NRDC: variants seen among roughly 807,000 people sequenced by gnomAD.
The protein encoded by NRDC is nardilysin convertase, also known as nardilysin.
Under a neutral mutation model 147.1 loss-of-function variants are expected in NRDC, and 54 were observed. That is an observed-to-expected ratio of 0.37 (90% CI 0.29 to 0.46). NRDC has a LOEUF of 0.46. Among genes scored for constraint, NRDC ranks in the 20% least tolerant of loss-of-function variants. The pLI, the probability that NRDC is intolerant of heterozygous loss-of-function variation, is 1.00. For missense variants in NRDC, 1,082 were observed against 1,370.6 expected (o/e 0.79, Z 3.33); for synonymous variants, 440 against 482.1 (o/e 0.91, Z 1.14).
intron 1 of NRDC, among the ~76,000 whole-genome samples, chr1:51,849,042 A>T (rs1313000180): frequency 6.6e-6 from 1 of 152,176 alleles, no homozygotes; most frequent in African/African-American, 2.4e-5. Context: ...TTATAAAGAT[A>T]CCAATTCTTC....
intron 18 of NRDC, among the ~76,000 whole-genome samples, chr1:51,805,767 A>G (rs775845714): frequency 6.6e-6 from 1 of 152,152 alleles, no homozygotes; most frequent in Non-Finnish European, 1.5e-5. Context: ...TCTTTAATCT[A>G]TGGGAAGACC....
At chr1:51,864,097 T>C (rs1682684793) in intron 1 of NRDC, among the ~76,000 whole-genome samples, 1 of 152,350 alleles carries the variant, frequency 6.6e-6, no homozygotes, top group East Asian at 1.9e-4. Flanking sequence ...AGAAAGATCA[T>C]ATGGGTACTC....
chr1:51,836,286 T>C (rs1456246152), intron 2 of NRDC, 74 bp from the exon 3 acceptor site: 2 of 1,585,596 alleles, frequency 1.3e-6, no homozygotes, highest in Non-Finnish European at 1.7e-6. Flanking sequence ...ATCTTAAGGA[T>C]TCATTTGGAG....
rs761563376 is a variant in NRDC at position 51,878,322 on chromosome 1, A to G, written c.294T>C (p.Ala98=). ...GAGACTTGACGATCTCAGGGTCCCC[A>G]GCATTACTGAGAGACCCCCTCCGTC... ...EEGRRGSLSN[A]GDPEIVKSPS... The change falls in exon 1 of 31, where the codon GCT becomes GCC. Residue 98 remains alanine, a synonymous_variant. Transcript: ENST00000352171. 2 of 1,613,976 alleles carry G rather than the reference A, an allele frequency of 1.2e-6. No homozygotes were observed. The highest frequency in any genetic ancestry group is 2.2e-5 in the East Asian group (1 of 44,886).
At chr1:51,838,881 T>TC (rs528333475) in intron 2 of NRDC, among the ~76,000 whole-genome samples, 2 of 152,056 alleles carry the variant, frequency 1.3e-5, no homozygotes, top group African/African-American at 4.8e-5. Flanking sequence ...TACCTTTTTT[T>TC]CCCCCAGTGT....
rs1361175108 is a variant in NRDC, at chr1:51,814,595, G to A, written c.1575C>T (p.Val525=). 1 of 1,613,552 alleles carries A rather than the reference G, an allele frequency of 6.2e-7. No individual in the cohort carries two copies. Among genetic ancestry groups the A allele is most frequent in the Admixed American group, 1.7e-5 (1 of 59,996 alleles). ...YEHFYEVAYT[V]FQYLKMLQKL... ...TCTGCAGCATTTTTAAATACTGAAA[G>A]ACAGTGTAAGCAACCTGAAAACAAA... The change falls in exon 13 of 31, where the codon GTC becomes GTT. Residue 525 remains valine (V), a synonymous_variant. Transcript: ENST00000352171.
intron 2 of NRDC, chr1:51,837,333 G>A (rs12944): frequency 0.24 from 142,249 of 593,152 alleles, 19,701 homozygotes; most frequent in Non-Finnish European, 0.28. Context: ...GTCAGAAAAT[G>A]AGTGTGTTTT....
At chr1:51,803,780 C>T in intron 20 of NRDC, 34 bp downstream of exon 20, 2 of 1,554,988 alleles carry the variant, frequency 1.3e-6, no homozygotes, top group African/African-American at 1.4e-5. Flanking sequence ...TATTTTAATG[C>T]TCTCTATAAG....
chr1:51,846,765 G>T (rs1328886145), intron 1 of NRDC, among the ~76,000 whole-genome samples: 1 of 152,204 alleles, frequency 6.6e-6, no homozygotes, highest in Non-Finnish European at 1.5e-5. Flanking sequence ...CCTGCAGCCT[G>T]CTTTTATTCT....
intron 21 of NRDC, among the ~76,000 whole-genome samples, chr1:51,799,587 A>G (rs184734614): frequency 6.6e-6 from 1 of 152,288 alleles, no homozygotes; most frequent in Non-Finnish European, 1.5e-5. Context: ...AAAACTGTCA[A>G]GTAGGGGCTA....
In NRDC at chr1:51,812,053, G is replaced by A; in HGVS notation, c.1720C>T (p.Leu574=). ...YVENMCENMQ[L]YPLQDILTGD... is the part of the protein sequence containing the mutation. ...GTGAGAATGTCCTGCAATGGGTACAGCTGCATGTTCTCACACATGTTTTCC... is the reference window on the plus strand; with the variant it reads ...GTGAGAATGTCCTGCAATGGGTACAACTGCATGTTCTCACACATGTTTTCC... Residue 574 remains leucine, a synonymous_variant, in exon 15 of 31, where the codon CTG becomes TTG. Transcript: ENST00000352171. 1 of 1,614,014 alleles carries A rather than the reference G, an allele frequency of 6.2e-7. No homozygotes were observed. The highest frequency in any genetic ancestry group is 1.1e-5 in the South Asian group (1 of 91,082).
chr1:51,792,745 C>T (rs1055891271), intron 24 of NRDC, among the ~76,000 whole-genome samples: 2 of 152,132 alleles, frequency 1.3e-5, no homozygotes, highest in Non-Finnish European at 2.9e-5. Flanking sequence ...AACTCAAAGC[C>T]CTAAGGAAGA....
At position 51,827,779 on chromosome 1, in the gene NRDC, T is replaced by A; in HGVS notation, c.940+17A>T. ...TGAAGGAAAAAACTGTAGTTACACA[T>A]AAAGTACTCCTCTTACCACTATCAA... On this transcript the variant is annotated intron_variant, in intron 5 of 30. Transcript: ENST00000352171. The A allele has an allele frequency of 6.2e-7, 1 of 1,606,318 alleles. No homozygotes were observed. Among genetic ancestry groups the A allele is most frequent in the Non-Finnish European group, 8.5e-7 (1 of 1,173,164 alleles).
At chr1:51,789,491 A>C in intron 30 of NRDC, 58 bp from the exon 31 acceptor site, 2 of 1,599,512 alleles carry the variant, frequency 1.3e-6, no homozygotes, top group Admixed American at 3.3e-5. Flanking sequence ...GGGGTTTAAG[A>C]GTTCTGATGA....
chr1:51,836,573 G>T, intron 2 of NRDC: 1 of 704,376 alleles, frequency 1.4e-6, no homozygotes, highest in Non-Finnish European at 2.5e-6. Flanking sequence ...TTGGAAATCT[G>T]CGGAAGTAAC....
intron 1 of NRDC, among the ~76,000 whole-genome samples, chr1:51,855,426 T>A (rs1180565128): frequency 1.3e-5 from 2 of 151,646 alleles, no homozygotes; most frequent in Non-Finnish European, 2.9e-5. Context: ...GAAAAAAAAA[T>A]TGGTATAATA....
intron 18 of NRDC, 125 bp from the exon 19 acceptor site, chr1:51,805,686 T>A (rs1044940476): frequency 4.9e-6 from 3 of 613,118 alleles, no homozygotes; most frequent in East Asian, 3.2e-5. Context: ...TAAATCCTCA[T>A]TACATCTTTA....
chr1:51,794,431 G>A, intron 24 of NRDC, 41 bp downstream of exon 24: 1 of 1,600,768 alleles, frequency 6.2e-7, no homozygotes, highest in South Asian at 1.1e-5. Flanking sequence ...CTGATCCCCA[G>A]GCACTGGGCC....
At chr1:51,831,298 TC>T (rs1557916829) in intron 4 of NRDC, among the ~76,000 whole-genome samples, 1 of 152,220 alleles carries the variant, frequency 6.6e-6, no homozygotes, top group East Asian at 1.9e-4. Flanking sequence ...CTATCCTTTT[TC>T]CCAATAAAAT....
Sources: gnomAD v4.1 joint callset for allele counts (sites outside exome capture counted in the v4.1 genomes callset) on GRCh38, gnomAD v4.1.1 for gene constraint, MANE v1.5 for transcripts, NCBI Gene and HGNC (gene_info 2026-07-23, HGNC 2026-07-21) for gene names.